ARHGEF12: variants seen among roughly 807,000 people sequenced by gnomAD.
ARHGEF12 encodes Rho guanine nucleotide exchange factor 12.
A neutral mutation model predicts 211.2 loss-of-function variants in ARHGEF12; 66 were observed. The ratio of observed to expected loss-of-function variants is 0.31; its 90% CI spans 0.26 to 0.38. The LOEUF is 0.38. Among genes scored for constraint, ARHGEF12 ranks in the 10% least tolerant of loss-of-function variants. ARHGEF12 has a pLI of 1.00. For missense variants in ARHGEF12, 1,429 were observed against 1,869.5 expected, an observed-to-expected ratio of 0.76 and a Z score of 4.34; for synonymous variants, 592 against 638.4, an observed-to-expected ratio of 0.93 and a Z score of 1.09.
At chr11:120,462,301 G>A (rs1023357215) in intron 27 of ARHGEF12, among the ~76,000 whole-genome samples, 33 of 152,080 alleles carry the variant, frequency 2.2e-4, no homozygotes, top group African/African-American at 7.2e-4. Flanking sequence ...TTGGTGGGGC[G>A]GTCAGAACAC....
At chr11:120,424,521 A>T (rs1945285161) in intron 7 of ARHGEF12, 106 bp downstream of exon 7, 1 of 856,484 alleles carries the variant, frequency 1.2e-6, no homozygotes, top group East Asian at 2.6e-5. Flanking sequence ...GGCTATGTGG[A>T]CTATATAGTC....
intron 29 of ARHGEF12, 39 bp from the exon 30 acceptor site, chr11:120,469,249 T>C (rs1565506370): frequency 6.7e-7 from 1 of 1,487,988 alleles, no homozygotes; most frequent in Non-Finnish European, 9.3e-7. Flanking sequence ...GGTTTTTTGC[T>C]CAGTTCTTTT....
chr11:120,473,659 G>T (rs1343294471), intron 31 of ARHGEF12, among the ~76,000 whole-genome samples: 4 of 152,180 alleles, frequency 2.6e-5, no homozygotes, highest in Non-Finnish European at 5.9e-5. Context: ...GCCTCCCACA[G>T]TGCAGGGATT....
intron 1 of ARHGEF12, among the ~76,000 whole-genome samples, chr11:120,368,956 G>T (rs1321983053): frequency 2.0e-5 from 3 of 151,862 alleles, no homozygotes; most frequent in Non-Finnish European, 4.4e-5. Flanking sequence ...ATGTCATCTA[G>T]CCTGTAAATT....
intron 1 of ARHGEF12, among the ~76,000 whole-genome samples, chr11:120,371,508 T>G (rs1449627722): frequency 1.3e-5 from 2 of 152,132 alleles, no homozygotes; most frequent in Non-Finnish European, 2.9e-5. Flanking sequence ...AAACTGTCTT[T>G]AAAGAAGAAT....
intron 26 of ARHGEF12, among the ~76,000 whole-genome samples, chr11:120,459,644 C>T (rs1027312901): frequency 3.3e-5 from 5 of 151,866 alleles, no homozygotes; most frequent in African/African-American, 4.8e-5. Flanking sequence ...TAATAATATA[C>T]GTATAAATGT....
intron 10 of ARHGEF12, among the ~76,000 whole-genome samples, chr11:120,431,182 C>T (rs571713362): frequency 4.6e-5 from 7 of 151,922 alleles, no homozygotes; most frequent in East Asian, 1.9e-4. Context: ...CCCAGCTACT[C>T]GGGAGGCTGA....
intron 1 of ARHGEF12, among the ~76,000 whole-genome samples, chr11:120,382,391 T>A (rs536573724): frequency 6.6e-6 from 1 of 152,248 alleles, no homozygotes; most frequent in Non-Finnish European, 1.5e-5. Context: ...AATATTCTAA[T>A]GTGTGAATAA....
At chr11:120,457,665 A>G in intron 23 of ARHGEF12, 56 bp from the exon 24 acceptor site, 1 of 1,390,784 alleles carries the variant, frequency 7.2e-7, no homozygotes, top group Non-Finnish European at 9.9e-7. Flanking sequence ...TCTTTGGTAT[A>G]AATGTATTGA....
chr11:120,441,632 A>C, intron 13 of ARHGEF12, 75 bp from the exon 14 acceptor site: 1 of 1,158,486 alleles, frequency 8.6e-7, no homozygotes, highest in Non-Finnish European at 1.3e-6. Context: ...TTGGATAGCT[A>C]TGTTCAATTG....
Position 120,453,465 on chromosome 11 carries a change from A to AGCC in ARHGEF12, c.2056+1741_2056+1742insGCC. Among the ~76,000 whole-genome samples, 5 of 152,278 alleles carry AGCC rather than the reference A, an allele frequency of 3.3e-5. No individual in the cohort carries two copies. In the East Asian group the frequency reaches 9.7e-4, roughly 29 times the overall value. On this transcript the variant is annotated intron_variant, in intron 22 of 40. Transcript: ENST00000397843. ...CCAGGCATGGTGGCTTACTCCTGTA[A>AGCC]TCCCAGAACTTTGGGAGGCTGAGGC...
In ARHGEF12 at chr11:120,351,434, TATATATATATATATATA is replaced by T. The variant is rs1565420645; in HGVS notation, c.32+14160_32+14176del. On this transcript the variant is annotated intron_variant, in intron 1 of 40. Transcript: ENST00000397843. ...ATATATATATATATATATATATATA[TATATATATATATATATA>T]TATATTTTTTTTTTTTTTTTTTTTT... Among the ~76,000 whole-genome samples, 32 of 3,458 alleles carry T rather than the reference TATATATATATATATATA, an allele frequency of 9.3e-3. 1 individual carries two copies. The South Asian group carries it at 0.11, about 12-fold the overall frequency. The allele number at this position is 3,458 out of a possible 152,430, so 2.3% of individuals were successfully genotyped here.
intron 36 of ARHGEF12, 87 bp from the exon 37 acceptor site, chr11:120,478,069 T>C (rs1388315702): frequency 6.9e-6 from 6 of 873,558 alleles, no homozygotes; most frequent in Non-Finnish European, 1.0e-5. Flanking sequence ...ATTGTTTTTT[T>C]TTTTTCTGAT....
intron 30 of ARHGEF12, among the ~76,000 whole-genome samples, chr11:120,470,430 A>G (rs1946834644): frequency 6.6e-6 from 1 of 152,188 alleles, no homozygotes; most frequent in South Asian, 2.1e-4. Context: ...GCATATTTGG[A>G]TGGACAGGAT....
intron 31 of ARHGEF12, among the ~76,000 whole-genome samples, chr11:120,474,180 A>C (rs1210105557): frequency 6.6e-6 from 1 of 152,232 alleles, no homozygotes; most frequent in Non-Finnish European, 1.5e-5. Context: ...CTCAGAAGCC[A>C]CTTTCTTATA....
rs767203857 is a variant in ARHGEF12, at chr11:120,458,115, A to G, written c.2261A>G (p.Glu754Gly). ...GTAGCTTTTGGAGAAAGTCAAAGTG[A>G]GGATGAACAATTTGAAAATGACTTA... The part of the protein sequence containing the change: ...DSVAFGESQS[E>G]DEQFENDLET... Residue 754 changes from glutamate (E) to glycine (G), a missense_variant, in exon 25 of 41, where the codon GAG becomes GGG. By Grantham distance (98) the Glu-to-Gly change is moderately conservative. Coordinates refer to ENST00000397843, the MANE Select transcript of ARHGEF12 (RefSeq NM_015313.3). 6.2e-6 allele frequency: 10 copies of G among 1,608,418 alleles called. No individual in the cohort carries two copies. Among genetic ancestry groups the G allele is most frequent in the Non-Finnish European group, 8.5e-6 (10 of 1,178,828 alleles).
intron 1 of ARHGEF12, among the ~76,000 whole-genome samples, chr11:120,346,560 G>A (rs1419074405): frequency 2.0e-5 from 3 of 152,230 alleles, no homozygotes; most frequent in African/African-American, 7.2e-5. Flanking sequence ...GGCATTGCAA[G>A]TTGCATGATA....
At chr11:120,357,750 AG>A in intron 1 of ARHGEF12, among the ~76,000 whole-genome samples, 1 of 152,148 alleles carries the variant, frequency 6.6e-6, no homozygotes, top group Non-Finnish European at 1.5e-5. Context: ...CTGTATTTTT[AG>A]TAGAGACAAG....
At chr11:120,415,175 G>GT (rs775158353) in intron 4 of ARHGEF12, among the ~76,000 whole-genome samples, 55 of 151,322 alleles carry the variant, frequency 3.6e-4, no homozygotes, top group Admixed American at 7.9e-4. Context: ...TGGTTTTTGG[G>GT]TTTTTTTTTA....
Sources: allele counts gnomAD v4.1 joint callset (sites outside exome capture counted in the v4.1 genomes callset), GRCh38; gene constraint gnomAD v4.1.1; transcripts MANE v1.5; gene names NCBI Gene and HGNC (gene_info 2026-07-23, HGNC 2026-07-21).